The following PTPRN2 variants were observed in gnomAD, a reference collection of about 807,000 sequenced individuals.
PTPRN2 encodes protein tyrosine phosphatase receptor type N2.
PTPRN2 carries 74 observed loss-of-function variants against 118.8 expected under a neutral mutation model. The ratio of observed to expected loss-of-function variants is 0.62; its 90% confidence interval spans 0.52 to 0.76. The LOEUF (loss-of-function observed/expected upper bound fraction) is 0.76, where lower values mean the gene tolerates loss of function less well. Ranked by LOEUF, PTPRN2 falls within the 30% of genes least tolerant of loss-of-function variation. PTPRN2 has a pLI of 0.00. For synonymous variants in PTPRN2, 641 were observed against 608.0 expected (o/e 1.05, Z -0.80); for missense variants, 1,481 against 1,394.4 (o/e 1.06, Z -0.99).
chr7:157,567,820 C>T (rs757463095), intron 21 of PTPRN2, among the ~76,000 whole-genome samples: 2 of 152,108 alleles, frequency 1.3e-5, no homozygotes, highest in East Asian at 1.9e-4. Flanking sequence ...TAACGGGTAT[C>T]GCAAGGCTAA....
chr7:158,037,270 A>G (rs1051512305), intron 11 of PTPRN2, among the ~76,000 whole-genome samples: 1 of 152,254 alleles, frequency 6.6e-6, no homozygotes, highest in Non-Finnish European at 1.5e-5. Context: ...TAAGTACAGA[A>G]GTGGATGGGA....
chr7:158,323,035 G>A (rs941111262), intron 2 of PTPRN2, among the ~76,000 whole-genome samples: 2 of 152,198 alleles, frequency 1.3e-5, no homozygotes, highest in African/African-American at 4.8e-5. Context: ...CTTTCCACAT[G>A]CTACCCAGCC....
chr7:157,541,717 A>G (rs1798022759), intron 22 of PTPRN2, among the ~76,000 whole-genome samples: 2 of 152,236 alleles, frequency 1.3e-5, no homozygotes, highest in Admixed American at 1.3e-4. Context: ...TGACAGCTCC[A>G]ATACTTGATC....
chr7:158,095,932 G>C (rs1814591814), intron 10 of PTPRN2, among the ~76,000 whole-genome samples: 1 of 152,180 alleles, frequency 6.6e-6, no homozygotes, highest in Non-Finnish European at 1.5e-5. Flanking sequence ...AGAAAACTCA[G>C]AACTGCCTGG....
chr7:158,019,070 C>T (rs936808457), intron 11 of PTPRN2, among the ~76,000 whole-genome samples: 30 of 151,920 alleles, frequency 2.0e-4, no homozygotes, highest in African/African-American at 6.8e-4. Flanking sequence ...ACGTGACCCA[C>T]GCTAGCATGA....
intron 6 of PTPRN2, among the ~76,000 whole-genome samples, chr7:158,141,096 C>A (rs1034714111): frequency 1.2e-4 from 18 of 152,252 alleles, no homozygotes; most frequent in Admixed American, 7.2e-4. Flanking sequence ...TCACCACGAC[C>A]CTCCACCCTA....
At chr7:158,119,149 A>G (rs1340859370) in intron 9 of PTPRN2, among the ~76,000 whole-genome samples, 2 of 152,246 alleles carry the variant, frequency 1.3e-5, no homozygotes, top group Non-Finnish European at 2.9e-5. Context: ...CCTAGCGTGT[A>G]TAGAGTACTC....
intron 11 of PTPRN2, among the ~76,000 whole-genome samples, chr7:157,997,631 G>C (rs1019150357): frequency 1.3e-5 from 2 of 151,846 alleles, no homozygotes; most frequent in Non-Finnish European, 2.9e-5. Context: ...ATAAACGTGG[G>C]GGGAGGCATG....
chr7:158,333,771 A>C (rs12539941), intron 2 of PTPRN2, among the ~76,000 whole-genome samples: 1 of 121,338 alleles, frequency 8.2e-6, no homozygotes, highest in Non-Finnish European at 1.8e-5. Context: ...ACCCGCAGAC[A>C]TCACTCACAC....
intron 2 of PTPRN2, among the ~76,000 whole-genome samples, chr7:158,329,183 A>G (rs7784292): frequency 0.96 from 146,806 of 152,280 alleles, 70,829 homozygotes; most frequent in African/African-American, 0.99. Flanking sequence ...CCCAGCAGAC[A>G]CCGGCCAGGC....
intron 1 of PTPRN2, among the ~76,000 whole-genome samples, chr7:158,564,446 C>T (rs1198150748): frequency 6.6e-6 from 1 of 152,236 alleles, no homozygotes; most frequent in Non-Finnish European, 1.5e-5. Context: ...GGACGTGAGG[C>T]TGCCAGGCAC....
At chr7:157,542,701 G>T (rs1453551873) in intron 22 of PTPRN2, among the ~76,000 whole-genome samples, 1 of 152,232 alleles carries the variant, frequency 6.6e-6, no homozygotes, top group African/African-American at 2.4e-5. Flanking sequence ...GGGCCACAGA[G>T]ACAGGTGCTC....
intron 3 of PTPRN2, among the ~76,000 whole-genome samples, chr7:158,307,331 A>T (rs1208447185): frequency 6.6e-6 from 1 of 152,236 alleles, no homozygotes. Context: ...TCAACAGCAG[A>T]TCTTAGCAGC....
chr7:157,910,326 ACGCACG>A (rs1798023524), intron 11 of PTPRN2, among the ~76,000 whole-genome samples: 5 of 150,150 alleles, frequency 3.3e-5, no homozygotes, highest in African/African-American at 1.2e-4. Flanking sequence ...GTCCAGGATC[ACGCACG>A]TACGCCGTGG....
At chr7:157,667,369 G>A (rs1175024685) in intron 13 of PTPRN2, among the ~76,000 whole-genome samples, 1 of 149,468 alleles carries the variant, frequency 6.7e-6, no homozygotes, top group Non-Finnish European at 1.5e-5. Flanking sequence ...TGGGTGCAAC[G>A]AGTACACAGC....
intron 3 of PTPRN2, among the ~76,000 whole-genome samples, chr7:158,239,758 C>A (rs1464174279): frequency 6.6e-6 from 1 of 152,214 alleles, no homozygotes; most frequent in Non-Finnish European, 1.5e-5. Flanking sequence ...TGGATGCACG[C>A]CAAGACAAGA....
chr7:157,708,822 C>G (rs946434258), intron 12 of PTPRN2, among the ~76,000 whole-genome samples: 1 of 152,174 alleles, frequency 6.6e-6, no homozygotes, highest in Non-Finnish European at 1.5e-5. Context: ...TTTCTTTATC[C>G]TTTACATCAA....
At chr7:157,905,583 T>C (rs1411623436) in intron 11 of PTPRN2, among the ~76,000 whole-genome samples, 2 of 152,250 alleles carry the variant, frequency 1.3e-5, no homozygotes, top group Non-Finnish European at 2.9e-5. Flanking sequence ...CCTATTTAAT[T>C]AGTATTTTAA....
chr7:158,139,560 T>A (rs1379206648), intron 6 of PTPRN2, among the ~76,000 whole-genome samples: 1 of 151,918 alleles, frequency 6.6e-6, no homozygotes, highest in Non-Finnish European at 1.5e-5. Context: ...CTGGGAAGGA[T>A]TGTCACTCAG....
Sources: allele counts gnomAD v4.1 joint callset (sites outside exome capture counted in the v4.1 genomes callset), GRCh38; gene constraint gnomAD v4.1.1; transcripts MANE v1.5; gene names NCBI Gene and HGNC (gene_info 2026-07-23, HGNC 2026-07-21).